CD33: variants seen among roughly 807,000 people sequenced by gnomAD.
The protein encoded by CD33 is CD33 molecule, also known as myeloid cell surface antigen CD33.
A neutral mutation model predicts 31.4 loss-of-function variants in CD33; 25 were observed. The observed-to-expected ratio is 0.80, with a 90% CI of 0.58 to 1.11. CD33 has a LOEUF of 1.11. Among genes scored for constraint, CD33 ranks in the 50% most tolerant of loss-of-function variants. The pLI is 0.00. For missense variants in CD33, 407 were observed against 448.1 expected (o/e 0.91, Z 0.83); for synonymous variants, 176 against 180.6 (o/e 0.97, Z 0.20).
chr19:51,217,087 G>A, the CD33 span, among the ~76,000 whole-genome samples: 2 of 152,202 alleles, frequency 1.3e-5, no homozygotes, highest in Non-Finnish European at 2.9e-5. Flanking sequence ...TAGAGCCTTT[G>A]TGGAGAGGAG....
intron 6 of CD33, chr19:51,236,405 T>C (rs1981809046): frequency 1.2e-5 from 2 of 162,490 alleles, no homozygotes; most frequent in Admixed American, 5.8e-5. Flanking sequence ...TTGTCTCTAG[T>C]TGTCTGGTAC....
At chr19:51,222,337 A>C (rs573038639), upstream of CD33, among the ~76,000 whole-genome samples, 2 of 152,306 alleles carry the variant, frequency 1.3e-5, no homozygotes, top group South Asian at 4.1e-4. Flanking sequence ...ACAGTTTGGC[A>C]ATTCCTACTA....
At chr19:51,224,053 C>T (rs375688433), upstream of CD33, among the ~76,000 whole-genome samples, 1 of 152,216 alleles carries the variant, frequency 6.6e-6, no homozygotes, top group East Asian at 1.9e-4. Context: ...TGGTGGCTCA[C>T]CAGTCAAGAC....
intron 4 of CD33, among the ~76,000 whole-genome samples, chr19:51,228,094 T>A (rs1045119200): frequency 6.6e-6 from 1 of 152,232 alleles, no homozygotes; most frequent in African/African-American, 2.4e-5. Context: ...TTTATGCCAA[T>A]ATCATGCTGT....
At chr19:51,231,650 T>G (rs1981428635) in intron 4 of CD33, among the ~76,000 whole-genome samples, 1 of 151,790 alleles carries the variant, frequency 6.6e-6, no homozygotes, top group Admixed American at 6.6e-5. Flanking sequence ...TTCTCTTTCT[T>G]CTTTGTGTAT....
chr19:51,211,921 C>T, the CD33 span: 33 of 1,432,166 alleles, frequency 2.3e-5, no homozygotes, highest in African/African-American at 3.5e-4. Flanking sequence ...ATGTCAGCTG[C>T]CCCCATCTCC....
In CD33 at chr19:51,231,330, A is replaced by G. The variant is rs1406790941; in HGVS notation, c.746-3827A>G. ...TCGGCCCCCTGGACTCACTTTATGT[A>G]CTATTAACTTGTCTTGTCTCATTCC... On this transcript the variant is annotated intron_variant, in intron 4 of 6. Coordinates refer to ENST00000262262, the MANE Select transcript of CD33 (RefSeq NM_001772.4). Among the ~76,000 whole-genome samples, 5 of 152,220 alleles carry G rather than the reference A, an allele frequency of 3.3e-5. 1 individual carries two copies. Among genetic ancestry groups the G allele is most frequent in the African/African-American group, 7.2e-5 (3 of 41,460 alleles).
chr19:51,222,088 G>C (rs187811586), upstream of CD33, among the ~76,000 whole-genome samples: 283 of 151,820 alleles, frequency 1.9e-3, no homozygotes, highest in Middle Eastern at 6.8e-3. Flanking sequence ...AGTGGTTGTG[G>C]GTATATAATT....
chr19:51,215,483 G>C, the CD33 span, among the ~76,000 whole-genome samples: 3 of 152,172 alleles, frequency 2.0e-5, no homozygotes, highest in East Asian at 3.9e-4. Flanking sequence ...TCAGTGTGAG[G>C]TCCTGCAGGA....
upstream of CD33, among the ~76,000 whole-genome samples, chr19:51,223,609 G>A (rs1489434229): frequency 6.6e-6 from 1 of 152,140 alleles, no homozygotes; most frequent in Non-Finnish European, 1.5e-5. Context: ...AGAAAATGTT[G>A]ATCCATATGA....
the CD33 span, among the ~76,000 whole-genome samples, chr19:51,219,993 C>T: frequency 6.6e-6 from 1 of 152,136 alleles, no homozygotes; most frequent in Admixed American, 6.5e-5. Context: ...TTACTTTTCT[C>T]ATTGTGTCCT....
intron 4 of CD33, among the ~76,000 whole-genome samples, chr19:51,227,144 A>G (rs1461340838): frequency 1.3e-5 from 2 of 152,080 alleles, no homozygotes; most frequent in Admixed American, 6.5e-5. Context: ...GGTTTATTTC[A>G]TATCTTCCTA....
At chr19:51,226,158 TG>T in intron 3 of CD33, 77 bp downstream of exon 3, 1 of 1,559,992 alleles carries the variant, frequency 6.4e-7, no homozygotes, top group South Asian at 1.2e-5. Flanking sequence ...GGACATTTAG[TG>T]TCCTGGAGGC....
At chr19:51,230,406 G>A (rs1051018953) in intron 4 of CD33, among the ~76,000 whole-genome samples, 2 of 152,176 alleles carry the variant, frequency 1.3e-5, no homozygotes, top group Non-Finnish European at 2.9e-5. Context: ...TAAATCCAAC[G>A]TTTATTTGTT....
At chr19:51,230,212 A>AT (rs1241995103) in intron 4 of CD33, among the ~76,000 whole-genome samples, 1 of 148,752 alleles carries the variant, frequency 6.7e-6, no homozygotes, top group African/African-American at 2.5e-5. Flanking sequence ...GTTTTATTCA[A>AT]TTGTAGTCAA....
chr19:51,224,741 C>T (rs116586841), upstream of CD33, among the ~76,000 whole-genome samples: 1 of 152,256 alleles, frequency 6.6e-6, no homozygotes, highest in African/African-American at 2.4e-5. Flanking sequence ...CGGGCCAGGC[C>T]AGCAGTGATC....
chr19:51,218,886 T>C, the CD33 span, among the ~76,000 whole-genome samples: 4 of 152,206 alleles, frequency 2.6e-5, no homozygotes, highest in African/African-American at 9.6e-5. Flanking sequence ...AATCTGTGTG[T>C]CTATTTTTAT....
At chr19:51,216,435 C>T in the CD33 span, among the ~76,000 whole-genome samples, 1 of 152,052 alleles carries the variant, frequency 6.6e-6, no homozygotes, top group Non-Finnish European at 1.5e-5. Flanking sequence ...CTGGGCTGGG[C>T]ATCGTGGCTC....
upstream of CD33, among the ~76,000 whole-genome samples, chr19:51,223,450 G>T (rs904346173): frequency 6.6e-6 from 1 of 152,146 alleles, no homozygotes; most frequent in African/African-American, 2.4e-5. Flanking sequence ...GGGATCAACG[G>T]TTTGCTGGAT....
Sources: gnomAD v4.1 joint callset for allele counts (sites outside exome capture counted in the v4.1 genomes callset) on GRCh38, gnomAD v4.1.1 for gene constraint, MANE v1.5 for transcripts, NCBI Gene and HGNC (gene_info 2026-07-23, HGNC 2026-07-21) for gene names.